Variants in TAF2 observed in about 807,000 individuals in gnomAD.
TAF2 encodes TATA-box binding protein associated factor 2.
TAF2 carries 61 observed loss-of-function variants against 138.5 expected under a neutral mutation model. The observed-to-expected ratio is 0.44, with a 90% CI of 0.36 to 0.54. The LOEUF is 0.54. TAF2 is among the 20% of genes least tolerant of loss of function. The probability of loss-of-function intolerance (pLI) is 0.00; values close to 1 mark genes in which losing one functional copy is unlikely to be tolerated. For synonymous variants in TAF2, 475 were observed against 469.9 expected (o/e 1.01, Z -0.14); for missense variants, 1,090 against 1,427.9 (o/e 0.76, Z 3.81).
Position 119,762,551 on chromosome 8 carries a change from G to C in TAF2, c.2422C>G (p.Pro808Ala), listed in dbSNP as rs1821138412. 1 of 1,613,762 alleles carries C rather than the reference G, an allele frequency of 6.2e-7. No individual in the cohort carries two copies. Among genetic ancestry groups the C allele is most frequent in the East Asian group, 2.2e-5 (1 of 44,826 alleles). Residue 808 changes from proline to alanine, a missense_variant, in exon 19 of 26, where the codon CCT becomes GCT. Physicochemically the swap from Pro to Ala is conservative, Grantham distance 27. Coordinates refer to ENST00000378164, the MANE Select transcript of TAF2 (RefSeq NM_003184.4). ...ACTTCATTATTCACACTGACTGCAG[G>C]TGTAACAGAGTTGGCCAGGGCATCA... The part of the protein sequence containing the change: ...MIDALANSVT[P>A]AVSVNNEVRT...
In TAF2 at chr8:119,801,920, C is replaced by G. The variant is rs750771820; in HGVS notation, c.666G>C (p.Glu222Asp). The change falls in exon 6 of 26, where the codon GAG becomes GAC. Residue 222 changes from glutamate to aspartate, a missense_variant. This residue lies in a region of TAF2 where 504 missense variants were observed against 680.9 expected (regional missense o/e 0.74). Coordinates refer to ENST00000378164, the MANE Select transcript of TAF2 (RefSeq NM_003184.4). ...MVAVSNGDLV[E>D]TVYTHDMRKK... The stretch of plus-strand genomic sequence containing the variant: ...TCCTCATATCATGAGTATACACTGT[C>G]TCCACCAAATCGCCATTAGAAACAG... The G allele has an allele frequency of 6.2e-7, 1 of 1,614,182 alleles. No individual in the cohort carries two copies. Among genetic ancestry groups the G allele is most frequent in the Non-Finnish European group, 8.5e-7 (1 of 1,180,034 alleles).
At chr8:119,756,286 G>A (rs1273501987) in intron 21 of TAF2, among the ~76,000 whole-genome samples, 171 bp from the exon 22 acceptor site, 2 of 152,012 alleles carry the variant, frequency 1.3e-5, no homozygotes, top group Non-Finnish European at 2.9e-5. Flanking sequence ...AAGACATGAT[G>A]TTATATCCTG....
chr8:119,734,190 G>A (rs931077027), intron 25 of TAF2, among the ~76,000 whole-genome samples: 2 of 152,004 alleles, frequency 1.3e-5, no homozygotes, highest in Admixed American at 1.3e-4. Flanking sequence ...CTTTTTATCT[G>A]CTTAAAAACC....
intron 2 of TAF2, among the ~76,000 whole-genome samples, chr8:119,826,169 G>A (rs995492209): frequency 3.3e-5 from 5 of 151,722 alleles, no homozygotes; most frequent in Middle Eastern, 3.2e-3. Context: ...TAGGTGACAA[G>A]TTTATGGGTG....
intron 2 of TAF2, among the ~76,000 whole-genome samples, chr8:119,829,911 G>A (rs1005532459): frequency 7.4e-5 from 11 of 148,350 alleles, no homozygotes; most frequent in African/African-American, 2.7e-4. Flanking sequence ...CCAGGCTGGA[G>A]TGCAGTGGCG....
At chr8:119,738,414 G>A (rs1054524368) in intron 25 of TAF2, among the ~76,000 whole-genome samples, 5 of 152,008 alleles carry the variant, frequency 3.3e-5, no homozygotes, top group Non-Finnish European at 5.9e-5. Context: ...TTTACAAGAC[G>A]TCTGCTAAAT....
At chr8:119,793,215 C>G in intron 10 of TAF2, 151 bp downstream of exon 10, 1 of 538,450 alleles carries the variant, frequency 1.9e-6, no homozygotes, top group Non-Finnish European at 3.2e-6. Flanking sequence ...ATCTTATGAG[C>G]TTTATGAGTC....
At chr8:119,754,357 A>G (rs1165305747) in intron 22 of TAF2, among the ~76,000 whole-genome samples, 2 of 152,250 alleles carry the variant, frequency 1.3e-5, no homozygotes, top group African/African-American at 4.8e-5. Context: ...CCAATATCAT[A>G]GAGAGCAAAT....
At position 119,828,649 on chromosome 8, in the gene TAF2, G is replaced by A. The variant is rs117516175; in HGVS notation, c.138+3028C>T. Among the ~76,000 whole-genome samples the A allele has an allele frequency of 5.9e-5, 9 of 152,250 alleles. No individual in the cohort carries two copies. The East Asian group carries it at 1.2e-3, about 20-fold the overall frequency. On this transcript the variant is annotated intron_variant, in intron 2 of 25. Coordinates refer to ENST00000378164, the MANE Select transcript of TAF2 (RefSeq NM_003184.4). ...AAATAAAGCAGTATGTATCAACTTCGGCCATACTACCAGCTAAGGGAAGCA... is the reference window on the plus strand; with the variant it reads ...AAATAAAGCAGTATGTATCAACTTCAGCCATACTACCAGCTAAGGGAAGCA...
intron 18 of TAF2, among the ~76,000 whole-genome samples, chr8:119,777,303 G>T (rs565478431): frequency 6.6e-6 from 1 of 152,146 alleles, no homozygotes; most frequent in South Asian, 2.1e-4. Flanking sequence ...TATTTCCATT[G>T]TATCAATTAT....
intron 2 of TAF2, among the ~76,000 whole-genome samples, chr8:119,830,760 A>G (rs537903730): frequency 1.3e-5 from 2 of 152,334 alleles, no homozygotes; most frequent in East Asian, 3.9e-4. Flanking sequence ...GCTCTCATTA[A>G]CATTTTAGCC....
chr8:119,797,887 T>C, intron 6 of TAF2, 41 bp from the exon 7 acceptor site: 1 of 1,589,540 alleles, frequency 6.3e-7, no homozygotes, highest in South Asian at 1.1e-5. Flanking sequence ...AATGAAAGAG[T>C]TAAATTTAAT....
At chr8:119,782,836 T>G (rs1227851984) in intron 16 of TAF2, among the ~76,000 whole-genome samples, 3 of 152,172 alleles carry the variant, frequency 2.0e-5, no homozygotes, top group African/African-American at 7.2e-5. Context: ...GTGGGATAAT[T>G]AAGATTAATC....
Position 119,764,757 on chromosome 8 carries a change from A to C in TAF2, c.2365-2149T>G, listed in dbSNP as rs1433950. ...GAATTAAATTATATAAATACTCCAC[A>C]AAAAAAAGACATAATGTATAAAACA... On this transcript the variant is annotated intron_variant, in intron 18 of 25. Transcript: ENST00000378164. Among the ~76,000 whole-genome samples the C allele has an allele frequency of 9.2e-3, 1,393 of 152,014 alleles. 19 individuals are homozygous for C. Among genetic ancestry groups the C allele is most frequent in the African/African-American group, 0.032 (1,328 of 41,488 alleles).
chr8:119,760,034 C>CT (rs1199508587), intron 20 of TAF2, among the ~76,000 whole-genome samples: 1 of 152,018 alleles, frequency 6.6e-6, no homozygotes, highest in African/African-American at 2.4e-5. Flanking sequence ...TTTACGCCCC[C>CT]CCAGAGTATT....
chr8:119,775,666 G>A (rs895477562), intron 18 of TAF2, among the ~76,000 whole-genome samples: 6 of 151,886 alleles, frequency 4.0e-5, no homozygotes, highest in African/African-American at 9.7e-5. Flanking sequence ...TCACGCCAGC[G>A]TACTCCAGTC....
At chr8:119,772,811 C>T (rs966213918) in intron 18 of TAF2, among the ~76,000 whole-genome samples, 18 of 151,538 alleles carry the variant, frequency 1.2e-4, no homozygotes, top group South Asian at 6.3e-4. Context: ...GTGGCAGACA[C>T]CTATAATCCC....
At chr8:119,755,650 C>A (rs1286595333) in intron 22 of TAF2, among the ~76,000 whole-genome samples, 2 of 151,864 alleles carry the variant, frequency 1.3e-5, no homozygotes, top group East Asian at 3.9e-4. Context: ...AATTGGTTAC[C>A]CCTGGAAAAG....
At chr8:119,752,557 C>A (rs1323366324) in intron 22 of TAF2, among the ~76,000 whole-genome samples, 1 of 152,168 alleles carries the variant, frequency 6.6e-6, no homozygotes, top group Non-Finnish European at 1.5e-5. Flanking sequence ...AAAATGAGTA[C>A]CAGTATTAAC....
Sources: allele counts gnomAD v4.1 joint callset (sites outside exome capture counted in the v4.1 genomes callset), GRCh38; gene constraint gnomAD v4.1.1; regional missense constraint gnomAD v4.1.1; transcripts MANE v1.5; gene names NCBI Gene and HGNC (gene_info 2026-07-23, HGNC 2026-07-21).